DNAH3: variants seen among roughly 807,000 people sequenced by gnomAD.
DNAH3 encodes the protein dynein axonemal heavy chain 3, also known as axonemal beta dynein heavy chain 3.
In DNAH3, 332 loss-of-function variants were observed where a neutral mutation model predicts 432.5. The observed-to-expected ratio is 0.77, with a 90% CI of 0.70 to 0.84. The LOEUF is 0.84. Ranked by LOEUF, DNAH3 falls within the 40% of genes least tolerant of loss-of-function variation. DNAH3 has a pLI of 0.00. For missense variants in DNAH3, 4,861 were observed against 5,114.0 expected, an observed-to-expected ratio of 0.95 and a Z score of 1.51; for synonymous variants, 1,956 against 1,900.2, an observed-to-expected ratio of 1.03 and a Z score of -0.76.
chr16:21,157,336 CT>C (rs34449371), intron 1 of DNAH3, among the ~76,000 whole-genome samples: 7,740 of 111,802 alleles, frequency 0.069, 210 homozygotes, highest in East Asian at 0.18. Flanking sequence ...GTGATTGCTT[CT>C]TTTTTTTTTT....
At chr16:21,156,176 T>TTTTATTTTATTTTATTTTA (rs2092895976) in intron 1 of DNAH3, among the ~76,000 whole-genome samples, 1 of 147,030 alleles carries the variant, frequency 6.8e-6, no homozygotes, top group Non-Finnish European at 1.5e-5. Context: ...TTTTATTTTA[T>TTTTATTTTATTTTATTTTA]TTTATTTTAT....
At chr16:20,973,654 G>T (rs2152643508) in intron 51 of DNAH3, among the ~76,000 whole-genome samples, 1 of 152,304 alleles carries the variant, frequency 6.6e-6, no homozygotes, top group East Asian at 1.9e-4. Context: ...AGTGCTAATT[G>T]AAGAAGTAGA....
exon 9 of DNAH3, chr16:21,125,307 G>A: frequency 6.2e-7 from 1 of 1,613,418 alleles, no homozygotes; most frequent in Middle Eastern, 1.7e-4. Context: ...AGTTGCTCTT[G>A]GGAGCAAAAT....
chr16:20,997,872 G>A (rs1021923418), intron 43 of DNAH3, among the ~76,000 whole-genome samples: 1 of 150,394 alleles, frequency 6.6e-6, no homozygotes, highest in Non-Finnish European at 1.5e-5. Flanking sequence ...AGTCAGGCAT[G>A]GTGGCTTATG....
chr16:21,046,814 C>T (rs184305781), intron 31 of DNAH3, among the ~76,000 whole-genome samples: 10 of 151,806 alleles, frequency 6.6e-5, no homozygotes, highest in Admixed American at 5.9e-4. Context: ...CGGCTGGTAC[C>T]GGTTGTTCCT....
chr16:20,946,376 C>G (rs1308946885), intron 57 of DNAH3, among the ~76,000 whole-genome samples: 2 of 152,154 alleles, frequency 1.3e-5, no homozygotes, highest in African/African-American at 4.8e-5. Context: ...CTGGACTGAA[C>G]CAATGGATAT....
intron 16 of DNAH3, among the ~76,000 whole-genome samples, chr16:21,099,300 G>A (rs565479503): frequency 1.3e-5 from 2 of 152,194 alleles, no homozygotes; most frequent in South Asian, 2.1e-4. Flanking sequence ...ATGAATGGAT[G>A]GATGGTTGGA....
intron 20 of DNAH3, among the ~76,000 whole-genome samples, chr16:21,077,572 C>T (rs1244942780): frequency 6.6e-6 from 1 of 152,176 alleles, no homozygotes; most frequent in African/African-American, 2.4e-5. Context: ...TTTCCTGATA[C>T]TGGGTCCACC....
At chr16:21,042,282 T>G in intron 31 of DNAH3, 79 bp from the exon 32 acceptor site, 5 of 1,431,918 alleles carry the variant, frequency 3.5e-6, no homozygotes, top group Non-Finnish European at 4.7e-6. Flanking sequence ...TCCTCCCACA[T>G]AGCAAAGAAA....
At chr16:21,145,113 A>G (rs1229104591) in intron 3 of DNAH3, 68 bp downstream of exon 4, 2 of 1,317,010 alleles carry the variant, frequency 1.5e-6, no homozygotes, top group East Asian at 2.5e-5. Flanking sequence ...CTCCATCTAA[A>G]ATAAATAAAT....
chr16:21,148,432 A>AT, intron 1 of DNAH3, among the ~76,000 whole-genome samples: 1 of 145,910 alleles, frequency 6.9e-6, no homozygotes, highest in African/African-American at 2.6e-5. Flanking sequence ...TATTATTATT[A>AT]TTATTATTTA....
rs564223290 is a variant in DNAH3, at chr16:21,000,562, A to G, written c.6127-44T>C. On this transcript the variant is annotated intron_variant, in intron 42 of 61. Transcript: ENST00000261383. ...GGAGAGTCTCGGTTGTGGGCCCAGG[A>G]AGCTGGAGGTCTTGGCATTCAAGAG... is the stretch of plus-strand genomic sequence containing the variant. 5.0e-5 allele frequency: 76 copies of G among 1,533,450 alleles called. No individual in the cohort carries two copies. In the East Asian group the frequency reaches 1.4e-3, roughly 29 times the overall value. The allele number at this position is 1,533,450 out of a possible 1,614,324, so 95.0% of individuals were successfully genotyped here.
At chr16:21,033,651 T>TGA (rs1306496558) in intron 36 of DNAH3, among the ~76,000 whole-genome samples, 1 of 152,156 alleles carries the variant, frequency 6.6e-6, no homozygotes, top group Non-Finnish European at 1.5e-5. Flanking sequence ...AACCATGCAG[T>TGA]GATTTGCTTT....
At chr16:21,118,551 G>A (rs1323220205) in intron 11 of DNAH3, among the ~76,000 whole-genome samples, 1 of 152,076 alleles carries the variant, frequency 6.6e-6, no homozygotes, top group Non-Finnish European at 1.5e-5. Context: ...TCCTACCTCA[G>A]CCTCCTGAGT....
chr16:21,126,440 T>C (rs2092448253), intron 8 of DNAH3, among the ~76,000 whole-genome samples: 1 of 152,158 alleles, frequency 6.6e-6, no homozygotes, highest in Non-Finnish European at 1.5e-5. Context: ...TCTGCAGGTA[T>C]TATTATCACT....
chr16:21,107,239 CTTTTTT>C (rs5816146), intron 14 of DNAH3, among the ~76,000 whole-genome samples: 3 of 91,304 alleles, frequency 3.3e-5, no homozygotes, highest in African/African-American at 4.0e-5. Context: ...AATTTTTAAT[CTTTTTT>C]TTTTTTTTTT....
At chr16:21,142,646 C>CAA (rs10701210) in intron 3 of DNAH3, among the ~76,000 whole-genome samples, 3,369 of 148,850 alleles carry the variant, frequency 0.023, 136 homozygotes, top group African/African-American at 0.079. Context: ...AACAACAATA[C>CAA]AAAAATCCTT....
chr16:21,006,217 C>T (rs543305284), intron 41 of DNAH3, among the ~76,000 whole-genome samples: 1 of 152,220 alleles, frequency 6.6e-6, no homozygotes, highest in East Asian at 1.9e-4. Flanking sequence ...CTTTATTTCT[C>T]GCTGGTTCTA....
At chr16:20,954,063 A>G (rs1019782061) in intron 55 of DNAH3, among the ~76,000 whole-genome samples, 2 of 151,790 alleles carry the variant, frequency 1.3e-5, no homozygotes, top group African/African-American at 4.8e-5. Flanking sequence ...CATCTCTACT[A>G]AAAATACAAA....
Sources: allele counts gnomAD v4.1 joint callset (sites outside exome capture counted in the v4.1 genomes callset), GRCh38; gene constraint gnomAD v4.1.1; transcripts MANE v1.5; gene names NCBI Gene and HGNC (gene_info 2026-07-23, HGNC 2026-07-21).